Variants in PLXNA4 observed in about 807,000 individuals in gnomAD.
PLXNA4 encodes plexin A4.
A neutral mutation model predicts 191.8 loss-of-function variants in PLXNA4; 44 were observed. That is an observed-to-expected ratio of 0.23 (90% CI 0.18 to 0.29). The LOEUF (loss-of-function observed/expected upper bound fraction) is 0.29, where lower values mean the gene tolerates loss of function less well. Ranked by LOEUF, PLXNA4 falls within the 10% of genes least tolerant of loss-of-function variation. PLXNA4 has a pLI of 1.00. For missense variants in PLXNA4, 1,800 were observed against 2,488.8 expected, an observed-to-expected ratio of 0.72 and a Z score of 5.89; for synonymous variants, 1,082 against 1,009.5, an observed-to-expected ratio of 1.07 and a Z score of -1.36.
intron 1 of PLXNA4, among the ~76,000 whole-genome samples, chr7:132,562,826 C>CT (rs1801300297): frequency 8.6e-6 from 1 of 116,934 alleles, no homozygotes; most frequent in African/African-American, 3.5e-5. Flanking sequence ...TCTCCTCCTC[C>CT]TTCTCCTCCT....
chr7:132,232,583 G>A (rs1367840400), intron 5 of PLXNA4, among the ~76,000 whole-genome samples: 2 of 152,110 alleles, frequency 1.3e-5, no homozygotes, highest in African/African-American at 2.4e-5. Flanking sequence ...AAAGCCCTTG[G>A]GGAGAAAGGC....
chr7:132,551,293 G>C (rs1005175045), intron 1 of PLXNA4, among the ~76,000 whole-genome samples: 8 of 152,140 alleles, frequency 5.3e-5, no homozygotes, highest in South Asian at 4.1e-4. Context: ...CCCTTAACAG[G>C]ATGGTGGAGC....
chr7:132,382,019 A>G (rs1563067890), intron 3 of PLXNA4, among the ~76,000 whole-genome samples: 1 of 114,064 alleles, frequency 8.8e-6, no homozygotes, highest in African/African-American at 5.3e-5. Context: ...GAGAGAGAGG[A>G]GGGGGGAAAA....
In PLXNA4 at chr7:132,127,261, C is replaced by T. The variant is rs144060966; in HGVS notation, c.*3218G>A. ...TTGGAGGGGAAGGTAAGGAAGATGG[C>T]CTTTTCTCTCCTTCTGTCTGCTCAT... On this transcript the variant is annotated 3_prime_UTR_variant, in exon 32 of 32. Transcript: ENST00000321063. The T allele has an allele frequency of 3.9e-4, 59 of 152,234 alleles. No individual in the cohort carries two copies. The highest frequency in any genetic ancestry group is 1.4e-3 in the African/African-American group (59 of 41,550). 9.4% of individuals were successfully genotyped at this position (152,234 alleles called of 1,614,324 possible).
intron 2 of PLXNA4, among the ~76,000 whole-genome samples, chr7:132,605,231 A>G (rs192703964): frequency 6.6e-6 from 1 of 152,356 alleles, no homozygotes; most frequent in Non-Finnish European, 1.5e-5. Context: ...GCTAAGATCC[A>G]AATCCATGCG....
At chr7:132,173,948 C>T (rs1374640217) in intron 21 of PLXNA4, among the ~76,000 whole-genome samples, 1 of 152,132 alleles carries the variant, frequency 6.6e-6, no homozygotes, top group Non-Finnish European at 1.5e-5. Flanking sequence ...CTGTGTGGTC[C>T]CAGGCAACCA....
chr7:132,216,265 C>G (rs1001053554), intron 9 of PLXNA4, among the ~76,000 whole-genome samples: 2 of 152,214 alleles, frequency 1.3e-5, no homozygotes, highest in Non-Finnish European at 2.9e-5. Context: ...AGTCCCAGTT[C>G]TATCCACTAT....
chr7:132,462,292 A>T (rs1210874955), intron 3 of PLXNA4, among the ~76,000 whole-genome samples: 2 of 152,238 alleles, frequency 1.3e-5, no homozygotes, highest in Admixed American at 6.5e-5. Context: ...AAGGGAGGAA[A>T]GCAGAGAAAG....
In PLXNA4 at chr7:132,182,175, G is replaced by A. The variant is rs375929449; in HGVS notation, c.3174C>T (p.Ile1058=). 1.7e-5 allele frequency: 28 copies of A among 1,614,030 alleles called. No homozygotes were observed. The highest frequency in any genetic ancestry group is 1.6e-4 in the Middle Eastern group (1 of 6,084). Residue 1058 remains isoleucine, a synonymous_variant, in exon 17 of 32, where the codon ATC becomes ATT. Coordinates refer to ENST00000321063, the MANE Select transcript of PLXNA4 (RefSeq NM_020911.2). The stretch of plus-strand genomic sequence containing the variant: ...GGTCCAGGTGGGTCCCCCATACGGC[G>A]ATGGGTGTGTTTCCACTGAGCAGGA... ...EWSIVSGNTP[I]AVWGTHLDLI...
intron 3 of PLXNA4, among the ~76,000 whole-genome samples, chr7:132,464,383 G>A (rs148094914): frequency 2.6e-5 from 4 of 152,232 alleles, no homozygotes; most frequent in East Asian, 1.9e-4. Flanking sequence ...GCGAGATGCC[G>A]TCCGGCTTGG....
chr7:132,360,823 C>T (rs964886041), intron 3 of PLXNA4, among the ~76,000 whole-genome samples: 3 of 152,100 alleles, frequency 2.0e-5, no homozygotes, highest in Non-Finnish European at 4.4e-5. Flanking sequence ...CCTGGATAGC[C>T]CCTGTCTTGT....
At chr7:132,521,906 G>C (rs1799203113) in intron 1 of PLXNA4, among the ~76,000 whole-genome samples, 1 of 152,170 alleles carries the variant, frequency 6.6e-6, no homozygotes, top group East Asian at 1.9e-4. Context: ...TCCTTTTTCA[G>C]GTGACAGGAA....
chr7:132,259,436 C>CAAAAAAAAAAAAAAAAAAAAAAA lies in PLXNA4; in HGVS notation c.1504-18293_1504-18271dup, dbSNP rs55902635. On this transcript the variant is annotated intron_variant, in intron 4 of 31. Transcript: ENST00000321063. ...GGGCAACAAGAGCAAAACTCCAACT[C>CAAAAAAAAAAAAAAAAAAAAAAA]AAAAAAAAAAAAAAAAAAAAAAAAA... Among the ~76,000 whole-genome samples the CAAAAAAAAAAAAAAAAAAAAAAA allele has an allele frequency of 8.0e-4, 27 of 33,866 alleles. 1 individual carries two copies. The highest frequency in any genetic ancestry group is 1.5e-3 in the African/African-American group (14 of 9,232). 22.2% of individuals were successfully genotyped at this position (33,866 alleles called of 152,430 possible).
At chr7:132,448,680 G>A (rs1795999425) in intron 3 of PLXNA4, among the ~76,000 whole-genome samples, 1 of 152,188 alleles carries the variant, frequency 6.6e-6, no homozygotes, top group Admixed American at 6.5e-5. Flanking sequence ...AAGGAAAGCA[G>A]TTATTGTTTC....
At chr7:132,473,288 C>T (rs1796998546) in intron 3 of PLXNA4, among the ~76,000 whole-genome samples, 1 of 152,172 alleles carries the variant, frequency 6.6e-6, no homozygotes, top group Admixed American at 6.5e-5. Context: ...TTTTGCTGGT[C>T]AGTTTCCCTG....
intron 5 of PLXNA4, among the ~76,000 whole-genome samples, chr7:132,239,301 A>T (rs932242158): frequency 1.3e-5 from 2 of 152,174 alleles, no homozygotes; most frequent in African/African-American, 4.8e-5. Flanking sequence ...GGGTTCTCAC[A>T]GTCTCTCTGG....
chr7:132,266,397 GC>G (rs1179350052), intron 4 of PLXNA4: 3 of 151,908 alleles, frequency 2.0e-5, no homozygotes, highest in African/African-American at 7.2e-5. Context: ...ATTCTTTTTT[GC>G]CCCCTTCAAA....
chr7:132,591,827 C>T (rs894221468), intron 2 of PLXNA4, among the ~76,000 whole-genome samples: 12 of 152,142 alleles, frequency 7.9e-5, no homozygotes, highest in Admixed American at 2.0e-4. Flanking sequence ...CAGAATGCTG[C>T]GTATTATGTG....
intron 3 of PLXNA4, chr7:132,384,586 C>T (rs1255811086): frequency 2.0e-6 from 2 of 989,438 alleles, no homozygotes; most frequent in East Asian, 1.1e-4. Context: ...AGCTTTTGCA[C>T]ATATGATCAG....
Sources: allele counts gnomAD v4.1 joint callset (sites outside exome capture counted in the v4.1 genomes callset), GRCh38; gene constraint gnomAD v4.1.1; transcripts MANE v1.5; gene names NCBI Gene and HGNC (gene_info 2026-07-23, HGNC 2026-07-21).